The following STK32B variants were observed in gnomAD, a reference collection of about 807,000 sequenced individuals.
STK32B encodes the protein serine/threonine kinase 32B.
In STK32B, 43 loss-of-function variants were observed where a neutral mutation model predicts 52.6. The observed-to-expected ratio is 0.82, with a 90% confidence interval of 0.64 to 1.05. The LOEUF is 1.05. Among genes scored for constraint, STK32B ranks in the 50% least tolerant of loss-of-function variants. The probability of loss-of-function intolerance (pLI) is 0.00; values close to 1 mark genes in which losing one functional copy is unlikely to be tolerated. For missense variants in STK32B, 621 were observed against 534.6 expected, an observed-to-expected ratio of 1.16 and a Z score of -1.59; for synonymous variants, 238 against 204.3, an observed-to-expected ratio of 1.17 and a Z score of -1.41.
intron 1 of STK32B, among the ~76,000 whole-genome samples, chr4:5,130,391 G>A (rs1715686275): frequency 6.6e-6 from 1 of 151,956 alleles, no homozygotes; most frequent in Non-Finnish European, 1.5e-5. Flanking sequence ...TCTAGGCCAT[G>A]GTGAGGAGCA....
chr4:5,443,339 C>CTTCATTTCA (rs1048909094), intron 6 of STK32B, among the ~76,000 whole-genome samples: 16 of 151,800 alleles, frequency 1.1e-4, no homozygotes, highest in Non-Finnish European at 1.0e-4. Context: ...TCCCTTCTCG[C>CTTCATTTCA]TTCATTTCAT....
At chr4:5,382,307 C>T (rs979619416) in intron 4 of STK32B, among the ~76,000 whole-genome samples, 5 of 152,144 alleles carry the variant, frequency 3.3e-5, no homozygotes, top group African/African-American at 9.7e-5. Context: ...CATAAGACTC[C>T]TTAGCTATAA....
At chr4:5,164,413 T>C in intron 2 of STK32B, among the ~76,000 whole-genome samples, 1 of 152,222 alleles carries the variant, frequency 6.6e-6, no homozygotes, top group East Asian at 1.9e-4. Context: ...GGGCCCGTCC[T>C]AATCCAGGTT....
intron 3 of STK32B, among the ~76,000 whole-genome samples, chr4:5,304,116 C>T (rs554059390): frequency 6.6e-6 from 1 of 152,030 alleles, no homozygotes; most frequent in African/African-American, 2.4e-5. Context: ...TAATGCAGTG[C>T]CTCCAGATTT....
At chr4:5,387,717 G>A (rs929415941) in intron 4 of STK32B, among the ~76,000 whole-genome samples, 1 of 152,132 alleles carries the variant, frequency 6.6e-6, no homozygotes, top group Non-Finnish European at 1.5e-5. Context: ...AGAGGAGCTG[G>A]CATGCTTCTG....
At chr4:5,341,993 C>T (rs888820923) in intron 4 of STK32B, among the ~76,000 whole-genome samples, 4 of 152,096 alleles carry the variant, frequency 2.6e-5, no homozygotes, top group Non-Finnish European at 5.9e-5. Flanking sequence ...TATCCCTCCC[C>T]TCTCCCCCTA....
chr4:5,314,731 G>C (rs1730549236), intron 3 of STK32B, among the ~76,000 whole-genome samples: 1 of 152,050 alleles, frequency 6.6e-6, no homozygotes, highest in South Asian at 2.1e-4. Context: ...TAAAACTTTT[G>C]AGAAAAAACA....
intron 4 of STK32B, among the ~76,000 whole-genome samples, chr4:5,369,615 CCTT>C (rs767755237): frequency 3.9e-5 from 6 of 152,088 alleles, no homozygotes; most frequent in Non-Finnish European, 7.4e-5. Context: ...AGGTATAGCT[CCTT>C]CTTCATGCTG....
intron 3 of STK32B, among the ~76,000 whole-genome samples, chr4:5,284,667 C>T (rs963785486): frequency 4.6e-5 from 7 of 152,094 alleles, no homozygotes; most frequent in Non-Finnish European, 7.4e-5. Context: ...TACTGTATGA[C>T]GGTAATAATT....
intron 3 of STK32B, among the ~76,000 whole-genome samples, chr4:5,240,232 C>T (rs1036930302): frequency 2.4e-4 from 36 of 152,012 alleles, no homozygotes; most frequent in African/African-American, 7.0e-4. Context: ...CTGTCATCCC[C>T]GAGACTCCTA....
At chr4:5,485,968 C>G (rs2108714093) in intron 11 of STK32B, among the ~76,000 whole-genome samples, 1 of 152,294 alleles carries the variant, frequency 6.6e-6, no homozygotes, top group Non-Finnish European at 1.5e-5. Flanking sequence ...AGGGGAGTAC[C>G]TGGCCGTGTG....
In STK32B at chr4:5,091,064, G is replaced by A. The variant is rs74377682; in HGVS notation, c.52+39149G>A. Among the ~76,000 whole-genome samples, 178 of 152,182 alleles carry A rather than the reference G, an allele frequency of 1.2e-3. 2 individuals carry two copies. In the East Asian group the frequency reaches 0.025, roughly 22 times the overall value. ...ATTTAAATGAAAATTAACACCAATC[G>A]TTCTCAAATTCGTTGAAAAATATAA... On this transcript the variant is annotated intron_variant, in intron 1 of 11. Transcript: ENST00000282908.
intron 4 of STK32B, among the ~76,000 whole-genome samples, chr4:5,379,583 A>G (rs1735802128): frequency 6.6e-6 from 1 of 152,162 alleles, no homozygotes; most frequent in Middle Eastern, 3.2e-3. Context: ...ATTTGGAGAT[A>G]GGTCTTTACA....
intron 4 of STK32B, among the ~76,000 whole-genome samples, chr4:5,337,224 A>G (rs894333756): frequency 9.2e-5 from 14 of 151,882 alleles, no homozygotes; most frequent in Non-Finnish European, 1.8e-4. Context: ...CCTGAGCTCA[A>G]GCAGTCCACC....
intron 1 of STK32B, among the ~76,000 whole-genome samples, chr4:5,109,487 C>T (rs1560155682): frequency 2.6e-5 from 4 of 152,154 alleles, no homozygotes; most frequent in South Asian, 4.1e-4. Context: ...GGCATGTCCA[C>T]ATGAACAGAA....
At chr4:5,310,340 CA>C (rs1342724678) in intron 3 of STK32B, among the ~76,000 whole-genome samples, 1 of 151,908 alleles carries the variant, frequency 6.6e-6, no homozygotes, top group Non-Finnish European at 1.5e-5. Flanking sequence ...AACTCAACAG[CA>C]AAAAACAAGC....
intron 3 of STK32B, among the ~76,000 whole-genome samples, chr4:5,223,259 A>C (rs1723652070): frequency 6.6e-6 from 1 of 152,218 alleles, no homozygotes; most frequent in African/African-American, 2.4e-5. Context: ...AGAATGTCTC[A>C]GAGTCCTGAG....
rs377279306 is a variant in STK32B at position 5,124,859 on chromosome 4, G to C, written c.53-15046G>C. The stretch of plus-strand genomic sequence containing the variant: ...AGGAGGCAGAATGTTAAGATGGCCC[G>C]TCATGAACCTTCCCCTCCAATCTTA... On this transcript the variant is annotated intron_variant, in intron 1 of 11. Transcript: ENST00000282908. Among the ~76,000 whole-genome samples the C allele has an allele frequency of 2.6e-5, 4 of 152,178 alleles. No homozygotes were observed. In the South Asian group the frequency reaches 6.2e-4, roughly 24 times the overall value.
At position 5,148,022 on chromosome 4, in the gene STK32B, G is replaced by A. The variant is rs1019665706; in HGVS notation, c.108+8062G>A. 2.0e-5 allele frequency among the ~76,000 whole-genome samples: 3 copies of A among 151,760 alleles called. No individual in the cohort carries two copies. The East Asian group carries it at 5.8e-4, about 29-fold the overall frequency. ...TAGGTTTTACAAATGAAGTTATCTG[G>A]GTATAGAGTTTTCTTTCTAGTAAGG... On this transcript the variant is annotated intron_variant, in intron 2 of 11. Coordinates refer to ENST00000282908, the MANE Select transcript of STK32B (RefSeq NM_018401.3).
Sources: allele counts gnomAD v4.1 joint callset (sites outside exome capture counted in the v4.1 genomes callset), GRCh38; gene constraint gnomAD v4.1.1; transcripts MANE v1.5; gene names NCBI Gene and HGNC (gene_info 2026-07-23, HGNC 2026-07-21).